VSIR: variants seen among roughly 807,000 people sequenced by gnomAD.
VSIR encodes the protein V-set immunoregulatory receptor, also known as V-type immunoglobulin domain-containing suppressor of T-cell activation.
VSIR carries 10 observed loss-of-function variants against 31.0 expected under a neutral mutation model. The ratio of observed to expected loss-of-function variants is 0.32; its 90% confidence interval spans 0.20 to 0.55. The LOEUF is 0.55. Ranked by LOEUF, VSIR falls within the 20% of genes least tolerant of loss-of-function variation. The pLI, the probability that VSIR is intolerant of heterozygous loss-of-function variation, is 0.93. For synonymous variants in VSIR, 179 were observed against 180.1 expected, an observed-to-expected ratio of 0.99 and a Z score of 0.05; for missense variants, 356 against 416.2, an observed-to-expected ratio of 0.86 and a Z score of 1.26.
At position 71,760,054 on chromosome 10, in the gene VSIR, C is replaced by T. The variant is rs867128533; in HGVS notation, c.568+814G>A. Among the ~76,000 whole-genome samples the T allele has an allele frequency of 4.2e-5, 4 of 95,652 alleles. 1 individual carries two copies. The highest frequency in any genetic ancestry group is 6.9e-5 in the Non-Finnish European group (3 of 43,610). 62.8% of individuals were successfully genotyped at this position (95,652 alleles called of 152,430 possible). On this transcript the variant is annotated intron_variant, in intron 3 of 6. Coordinates refer to ENST00000394957, the MANE Select transcript of VSIR (RefSeq NM_022153.2). ...ACACACACACATATATACACACACA[C>T]ATATATATACACACACACATATATA...
intron 2 of VSIR, 39 bp from the exon 3 acceptor site, chr10:71,760,963 G>A (rs569225952): frequency 1.2e-6 from 2 of 1,600,978 alleles, no homozygotes; most frequent in East Asian, 4.5e-5. Context: ...GTGGGTGTCA[G>A]GCCCAGGAGG....
intron 3 of VSIR, among the ~76,000 whole-genome samples, chr10:71,758,521 C>T (rs10999986): frequency 0.035 from 5,334 of 152,274 alleles, 180 homozygotes; most frequent in African/African-American, 0.089. Flanking sequence ...CTGTAGGGCA[C>T]CTCTCTGGCA....
At position 71,755,452 on chromosome 10, in the gene VSIR, C is replaced by T. The variant is rs779370543; in HGVS notation, c.583G>A (p.Ala195Thr). 6.2e-7 allele frequency: 1 copy of T among 1,611,814 alleles called. No individual in the cohort carries two copies. The highest frequency in any genetic ancestry group is 2.2e-5 in the East Asian group (1 of 44,844). The change falls in exon 4 of 7, where the codon GCC becomes ACC. Residue 195 changes from alanine (A) to threonine (T), a missense_variant. By Grantham distance (58) the Ala-to-Thr change is moderately conservative. Coordinates refer to ENST00000394957, the MANE Select transcript of VSIR (RefSeq NM_022153.2). ...ACGATGCAGGCACCCGTAGCCAGGGCTGCAGCCGTGATGTCTGAAAGGGCA... is the reference window on the plus strand; with the variant it reads ...ACGATGCAGGCACCCGTAGCCAGGGTTGCAGCCGTGATGTCTGAAAGGGCA... Reference protein sequence around the residue: ...SQDSENITAAALATGACIVGI... With the variant: ...SQDSENITAATLATGACIVGI...
chr10:71,759,725 T>C (rs551512260), intron 3 of VSIR, among the ~76,000 whole-genome samples: 62 of 151,388 alleles, frequency 4.1e-4, no homozygotes, highest in Non-Finnish European at 7.7e-4. Context: ...GGCAGAAGAA[T>C]CGCTTGAATC....
chr10:71,753,786 G>A (rs780516992), intron 4 of VSIR: 3 of 456,290 alleles, frequency 6.6e-6, no homozygotes, highest in Non-Finnish European at 1.3e-5. Context: ...GTGGGGGAGG[G>A]GCACAACAAC....
At chr10:71,769,427 C>T (rs1046082336) in intron 1 of VSIR, among the ~76,000 whole-genome samples, 27 of 151,600 alleles carry the variant, frequency 1.8e-4, no homozygotes, top group African/African-American at 5.1e-4. Context: ...CTAATGACAG[C>T]GATAAAAAGT....
chr10:71,762,043 G>GCTCAGGAGAGT lies in VSIR; in HGVS notation c.83-18_83-17insACTCTCCTGAG. 6.3e-7 allele frequency: 1 copy of GCTCAGGAGAGT among 1,577,448 alleles called. No individual in the cohort carries two copies. ...CCACCGGACCTGCTCAGAGAGAGGA[G>GCTCAGGAGAGT]AGCCCTGTCACCTGACTGATCCAGT... On this transcript the variant is annotated splice_polypyrimidine_tract_variant and intron_variant, in intron 1 of 6. Transcript: ENST00000394957.
chr10:71,755,280 C>T (rs775885880), intron 4 of VSIR, 79 bp downstream of exon 4: 85 of 1,317,104 alleles, frequency 6.5e-5, no homozygotes, highest in Admixed American at 1.1e-4. Context: ...CGTGCCTTTG[C>T]GAATCCCAGG....
intron 3 of VSIR, among the ~76,000 whole-genome samples, chr10:71,760,314 C>CACACAT (rs1417602987): frequency 1.2e-5 from 1 of 82,418 alleles, no homozygotes; most frequent in African/African-American, 3.5e-5. Context: ...TATACACACA[C>CACACAT]ATATATATAT....
intron 1 of VSIR, among the ~76,000 whole-genome samples, chr10:71,770,006 A>G (rs373018171): frequency 6.6e-6 from 1 of 152,152 alleles, no homozygotes; most frequent in Non-Finnish European, 1.5e-5. Flanking sequence ...GGCATTTCAG[A>G]CTGTGAGGGC....
chr10:71,760,631 C>T (rs1840355093), intron 3 of VSIR: 2 of 510,746 alleles, frequency 3.9e-6, no homozygotes, highest in East Asian at 3.2e-5. Flanking sequence ...TGCCAAGGCA[C>T]AGCCACTCCA....
intron 3 of VSIR, among the ~76,000 whole-genome samples, chr10:71,758,848 G>T (rs1484632851): frequency 6.6e-6 from 1 of 152,148 alleles, no homozygotes; most frequent in Non-Finnish European, 1.5e-5. Context: ...GCAACATAGC[G>T]AGAGTGCATC....
chr10:71,760,147 GTGTGTATATA>G (rs202202583), intron 3 of VSIR, among the ~76,000 whole-genome samples: 15,490 of 30,756 alleles, frequency 0.5, 6,001 homozygotes, highest in Middle Eastern at 0.84. Context: ...ACATATATAT[GTGTGTATATA>G]TATGTATATA....
Position 71,762,066 on chromosome 10 carries a change from A to G in VSIR, c.83-40T>C, listed in dbSNP as rs552705403. The G allele has an allele frequency of 2.6e-6, 4 of 1,546,762 alleles. No individual in the cohort carries two copies. In the African/African-American group the frequency reaches 5.4e-5, roughly 21 times the overall value. ...GAGAGCCCTGTCACCTGACTGATCC[A>G]GTGCTACTCCTGGCAACCCCAGAGC... On this transcript the variant is annotated intron_variant, in intron 1 of 6. Coordinates refer to ENST00000394957, the MANE Select transcript of VSIR (RefSeq NM_022153.2).
intron 4 of VSIR, 148 bp from the exon 5 acceptor site, chr10:71,753,150 G>T: frequency 1.2e-6 from 1 of 836,868 alleles, no homozygotes. Context: ...TTTTCACATG[G>T]GTGCTGTCCA....
At chr10:71,766,879 T>C (rs1840559214) in intron 1 of VSIR, among the ~76,000 whole-genome samples, 1 of 152,232 alleles carries the variant, frequency 6.6e-6, no homozygotes, top group Non-Finnish European at 1.5e-5. Flanking sequence ...TGCCTCATCC[T>C]TCAGCTATTT....
At position 71,762,022 on chromosome 10, in the gene VSIR, C is replaced by A. The variant is rs146801768; in HGVS notation, c.87G>T (p.Pro29=). 4.4e-6 allele frequency: 7 copies of A among 1,595,942 alleles called. No homozygotes were observed. The South Asian group carries it at 6.8e-5, about 15-fold the overall frequency. Residue 29 remains proline (P), a synonymous_variant, in exon 2 of 7, where the codon CCG becomes CCT. Transcript: ENST00000394957. ...FALFLAASLG[P]VAAFKVATPY... ...GCGTGGCGACCTTGAAGGCTGCCACCGGACCTGCTCAGAGAGAGGAGAGCC... is the reference window on the plus strand; with the variant it reads ...GCGTGGCGACCTTGAAGGCTGCCACAGGACCTGCTCAGAGAGAGGAGAGCC...
rs1257502797 is a variant in VSIR at position 71,751,775 on chromosome 10, G to A, written c.791C>T (p.Ser264Phe). ...IPEAKVRHPL[S>F]YVAQRQPSES... ...AGAAGGCTGCCGCTGGGCCACATAG[G>A]ACAGGGGGTGCCTGACTTTGGCCTC... Residue 264 changes from serine to phenylalanine, a missense_variant, in exon 6 of 7, where the codon TCC becomes TTC. Coordinates refer to ENST00000394957, the MANE Select transcript of VSIR (RefSeq NM_022153.2). The surrounding 1 kb of genome is among the most constrained non-coding windows in gnomAD (Gnocchi z 4.9). 1 of 1,602,928 alleles carries A rather than the reference G, an allele frequency of 6.2e-7. No homozygotes were observed. The highest frequency in any genetic ancestry group is 1.7e-5 in the Admixed American group (1 of 58,246).
chr10:71,761,205 C>T (rs774057568), intron 2 of VSIR, among the ~76,000 whole-genome samples: 20 of 152,194 alleles, frequency 1.3e-4, no homozygotes, highest in Admixed American at 5.9e-4. Context: ...AACAGACAGA[C>T]ACACACACGC....
Sources: allele counts gnomAD v4.1 joint callset (sites outside exome capture counted in the v4.1 genomes callset), GRCh38; gene constraint gnomAD v4.1.1; non-coding constraint Gnocchi (gnomAD v3.1); transcripts MANE v1.5; gene names NCBI Gene and HGNC (gene_info 2026-07-23, HGNC 2026-07-21).